Variants in LRRC73 observed in about 807,000 individuals in gnomAD.
LRRC73 encodes the protein leucine-rich repeat-containing protein 73.
In LRRC73, 16 loss-of-function variants were observed where a neutral mutation model predicts 26.4. The ratio of observed to expected loss-of-function variants is 0.61; its 90% CI spans 0.41 to 0.92. LRRC73 has a LOEUF of 0.92. Ranked by LOEUF, LRRC73 falls within the 40% of genes least tolerant of loss-of-function variation. LRRC73 has a pLI of 0.00. For synonymous variants in LRRC73, 210 were observed against 179.8 expected (o/e 1.17, Z -1.34); for missense variants, 344 against 416.3 (o/e 0.83, Z 1.51).
exon 6 of LRRC73, chr6:43,506,997 C>T (rs1469180273): frequency 9.3e-6 from 5 of 538,150 alleles, no homozygotes; most frequent in South Asian, 2.1e-5. Context: ...TCCGAGCCAG[C>T]GGGTTGCAGC....
At chr6:43,508,277 G>A in intron 3 of LRRC73, 21 bp downstream of exon 3, 2 of 1,600,660 alleles carry the variant, frequency 1.2e-6, no homozygotes, top group Non-Finnish European at 1.7e-6. Flanking sequence ...GACAGCCCAA[G>A]GGGGTATTCT....
chr6:43,508,152 C>T (rs1374230403), intron 3 of LRRC73, 146 bp downstream of exon 3: 23 of 1,265,638 alleles, frequency 1.8e-5, no homozygotes, highest in African/African-American at 4.5e-5. Flanking sequence ...TCACCTGGTC[C>T]GCCACAAAGC....
At chr6:43,509,448 GA>G in intron 1 of LRRC73, 65 bp downstream of exon 1, 1 of 1,521,276 alleles carries the variant, frequency 6.6e-7, no homozygotes. Context: ...GGAGGAACAG[GA>G]GGTGCCAGGG....
At chr6:43,507,548 A>G in exon 5 of LRRC73, 1 of 1,613,650 alleles carries the variant, frequency 6.2e-7, no homozygotes, top group Non-Finnish European at 8.5e-7. Context: ...CCCTCCTGCC[A>G]CTTCCTCCTC....
At chr6:43,508,075 T>C (rs1196301561) in intron 3 of LRRC73, 149 bp from the exon 4 acceptor site, 3 of 973,336 alleles carry the variant, frequency 3.1e-6, no homozygotes, top group Non-Finnish European at 4.5e-6. Context: ...TCATTGTGAT[T>C]GGTGAGTGAA....
exon 1 of LRRC73, chr6:43,509,767 G>C: frequency 6.3e-7 from 1 of 1,579,536 alleles, no homozygotes; most frequent in South Asian, 1.1e-5. Flanking sequence ...CCCGAAATCT[G>C]GATGGAGCTG....
chr6:43,510,086 G>T, exon 1 of LRRC73: 1 of 232,418 alleles, frequency 4.3e-6, no homozygotes, highest in Non-Finnish European at 8.3e-6. Context: ...GTGTCTGGGC[G>T]TTGGGGCGGG....
chr6:43,509,143 G>C (rs559249975), intron 1 of LRRC73, among the ~76,000 whole-genome samples: 1 of 145,222 alleles, frequency 6.9e-6, no homozygotes, highest in African/African-American at 2.5e-5. Context: ...ACAGGGAGGG[G>C]CAGAGAAGGG....
rs1285493462 is a variant in LRRC73, at chr6:43,507,553, C to G, written c.783G>C (p.Glu261Asp). ...TGTCGCCAGCCCCTCCTGCCACTTC[C>G]TCCTCCTCCTCTCCCTCAGAGAGGA... The change falls in exon 5 of 6, where the codon GAG becomes GAC. Residue 261 changes from glutamate (E) to aspartate (D), a missense_variant. Glu to Asp is a conservative substitution (Grantham distance 45). Transcript: ENST00000372441. 1 of 1,610,776 alleles carries G rather than the reference C, an allele frequency of 6.2e-7. No homozygotes were observed. Among genetic ancestry groups the G allele is most frequent in the Non-Finnish European group, 8.5e-7 (1 of 1,178,048 alleles).
exon 6 of LRRC73, chr6:43,506,997 CG>C: frequency 1.9e-6 from 1 of 538,272 alleles, no homozygotes; most frequent in Non-Finnish European, 3.4e-6. Flanking sequence ...TCCGAGCCAG[CG>C]GGTTGCAGCC....
chr6:43,508,690 C>T (rs1453468876), intron 2 of LRRC73, 70 bp downstream of exon 2: 3 of 1,524,352 alleles, frequency 2.0e-6, no homozygotes, highest in South Asian at 2.5e-5. Context: ...GGGGCCACAC[C>T]CCCTTCCCTC....
chr6:43,510,038 G>C (rs1033383244), exon 1 of LRRC73: 8 of 289,344 alleles, frequency 2.8e-5, no homozygotes, highest in Non-Finnish European at 5.1e-5. Context: ...CCGGGCTGAA[G>C]TGGGGCGGCG....
At chr6:43,507,923 T>G in exon 4 of LRRC73, 2 of 1,613,788 alleles carry the variant, frequency 1.2e-6, no homozygotes, top group Non-Finnish European at 1.7e-6. Context: ...TGCCACATGG[T>G]CACCTGGGGA....
rs141349464 is a variant in LRRC73, at chr6:43,507,675, G to A, written c.661C>T (p.Leu221=). 1.2e-5 allele frequency: 19 copies of A among 1,613,792 alleles called. No homozygotes were observed. The African/African-American group carries it at 1.5e-4, about 12-fold the overall frequency. Residue 221 remains leucine (L), a synonymous_variant, in exon 5 of 6, where the codon CTG becomes TTG. Transcript: ENST00000372441. ...GGGTAATTTTCTACCATGTCCAGCA[G>A]GGTCTGAAGTGGGGAAGAATATGGA...
chr6:43,508,362 G>C, exon 3 of LRRC73: 1 of 1,613,714 alleles, frequency 6.2e-7, no homozygotes, highest in Non-Finnish European at 8.5e-7. Flanking sequence ...CAATGGCAAG[G>C]CGGCTCCAGC....
chr6:43,509,609 C>T (rs369455086), exon 1 of LRRC73: 4 of 1,606,226 alleles, frequency 2.5e-6, no homozygotes, highest in East Asian at 2.2e-5. Flanking sequence ...GGTTGAGCTG[C>T]GCCAGGGACG....
At chr6:43,509,451 G>A in intron 1 of LRRC73, 63 bp downstream of exon 1, 2 of 1,527,710 alleles carry the variant, frequency 1.3e-6, no homozygotes, top group East Asian at 2.3e-5. Flanking sequence ...GGAACAGGAG[G>A]TGCCAGGGGA....
chr6:43,507,409 C>T (rs1440879258), intron 5 of LRRC73, 47 bp downstream of exon 5: 1 of 1,610,606 alleles, frequency 6.2e-7, no homozygotes, highest in Non-Finnish European at 8.5e-7. Context: ...CTCCCTTGTC[C>T]CGAGCCTCTT....
chr6:43,508,065 T>C, intron 3 of LRRC73, 139 bp from the exon 4 acceptor site: 1 of 973,762 alleles, frequency 1.0e-6, no homozygotes, highest in Non-Finnish European at 1.5e-6. Context: ...CAGGAAGGGA[T>C]CATTGTGATT....
Sources: gnomAD v4.1 joint callset for allele counts (sites outside exome capture counted in the v4.1 genomes callset) on GRCh38, gnomAD v4.1.1 for gene constraint, MANE v1.5 for transcripts, NCBI Gene and HGNC (gene_info 2026-07-23, HGNC 2026-07-21) for gene names.